ASCC3: variants seen among roughly 807,000 people sequenced by gnomAD.
The protein encoded by ASCC3 is activating signal cointegrator 1 complex subunit 3.
Under a neutral mutation model 256.3 loss-of-function variants are expected in ASCC3, and 158 were observed. The observed-to-expected ratio is 0.62, with a 90% CI of 0.54 to 0.70. The LOEUF (loss-of-function observed/expected upper bound fraction) is 0.70, where lower values mean the gene tolerates loss of function less well. Among genes scored for constraint, ASCC3 ranks in the 30% least tolerant of loss-of-function variants. The probability of loss-of-function intolerance (pLI) is 0.00; values close to 1 mark genes in which losing one functional copy is unlikely to be tolerated. For synonymous variants in ASCC3, 948 were observed against 883.4 expected, an observed-to-expected ratio of 1.07 and a Z score of -1.30; for missense variants, 2,259 against 2,626.0, an observed-to-expected ratio of 0.86 and a Z score of 3.05.
At chr6:100,852,301 A>G (rs1449637494) in intron 3 of ASCC3, among the ~76,000 whole-genome samples, 1 of 152,180 alleles carries the variant, frequency 6.6e-6, no homozygotes, top group Non-Finnish European at 1.5e-5. Flanking sequence ...GCGAACCTCT[A>G]TTAGCCGGCT....
At chr6:100,869,757 A>T (rs1773644776) in intron 1 of ASCC3, among the ~76,000 whole-genome samples, 1 of 152,194 alleles carries the variant, frequency 6.6e-6, no homozygotes, top group South Asian at 2.1e-4. Context: ...AAAAAGTAAA[A>T]CACTAGTGCT....
chr6:100,609,929 A>T (rs1562164678), intron 30 of ASCC3, among the ~76,000 whole-genome samples: 1 of 152,188 alleles, frequency 6.6e-6, no homozygotes, highest in Non-Finnish European at 1.5e-5. Flanking sequence ...GAAGAAAAAA[A>T]GAAAGTCCAG....
chr6:100,536,479 C>T (rs1358419268), intron 37 of ASCC3, among the ~76,000 whole-genome samples: 3 of 152,110 alleles, frequency 2.0e-5, no homozygotes, highest in African/African-American at 4.8e-5. Context: ...ATGCAGCAAG[C>T]ACCCAGATTT....
intron 36 of ASCC3, among the ~76,000 whole-genome samples, chr6:100,563,025 T>C (rs1243812969): frequency 6.6e-6 from 1 of 152,090 alleles, no homozygotes; most frequent in African/African-American, 2.4e-5. Context: ...TTGTTAAAGA[T>C]GAATTTCTTC....
At chr6:100,815,731 G>A (rs1338127836) in intron 4 of ASCC3, among the ~76,000 whole-genome samples, 4 of 152,070 alleles carry the variant, frequency 2.6e-5, no homozygotes, top group African/African-American at 7.2e-5. Context: ...GACTGAAGCT[G>A]GAAGATTGAA....
intron 36 of ASCC3, among the ~76,000 whole-genome samples, chr6:100,588,044 T>A (rs1771796059): frequency 6.6e-6 from 1 of 152,176 alleles, no homozygotes; most frequent in Non-Finnish European, 1.5e-5. Context: ...TGTGTGCATA[T>A]GTGTATGACT....
At chr6:100,570,556 A>C (rs1363193199) in intron 36 of ASCC3, among the ~76,000 whole-genome samples, 1 of 151,890 alleles carries the variant, frequency 6.6e-6, no homozygotes. Flanking sequence ...CCTCACTCCT[A>C]GTTTTCTTTG....
chr6:100,606,259 T>C (rs554006842), intron 32 of ASCC3, among the ~76,000 whole-genome samples: 6 of 152,194 alleles, frequency 3.9e-5, no homozygotes, highest in East Asian at 1.9e-4. Context: ...ATTTCCCTTT[T>C]TGAACTCACT....
chr6:100,640,387 T>C (rs918520892), intron 24 of ASCC3, among the ~76,000 whole-genome samples: 6 of 152,198 alleles, frequency 3.9e-5, no homozygotes, highest in African/African-American at 1.4e-4. Context: ...TTACTTTGTA[T>C]ATGTCTAATA....
chr6:100,694,615 G>C (rs1015618229), intron 13 of ASCC3, among the ~76,000 whole-genome samples: 5 of 152,148 alleles, frequency 3.3e-5, no homozygotes, highest in African/African-American at 1.2e-4. Flanking sequence ...TACAAAATTA[G>C]ATCTTAGAAG....
chr6:100,751,591 T>G (rs928923548), intron 10 of ASCC3, among the ~76,000 whole-genome samples: 1 of 152,078 alleles, frequency 6.6e-6, no homozygotes, highest in African/African-American at 2.4e-5. Context: ...AGACAAATTA[T>G]TTTTTATGCT....
chr6:100,665,553 T>C (rs1414168243), intron 14 of ASCC3, among the ~76,000 whole-genome samples: 1 of 151,010 alleles, frequency 6.6e-6, no homozygotes, highest in Non-Finnish European at 1.5e-5. Context: ...TGAAACTCCG[T>C]CTCTACTAAC....
intron 10 of ASCC3, among the ~76,000 whole-genome samples, chr6:100,750,930 T>C (rs984327419): frequency 8.6e-5 from 13 of 152,032 alleles, no homozygotes; most frequent in Non-Finnish European, 2.9e-5. Context: ...GATGGTCACC[T>C]TGGGGCAGGG....
chr6:100,646,019 TAA>T (rs1775362520), intron 22 of ASCC3, among the ~76,000 whole-genome samples: 1 of 152,098 alleles, frequency 6.6e-6, no homozygotes, highest in Non-Finnish European at 1.5e-5. Context: ...AATATTAATT[TAA>T]GAGACATCAA....
intron 13 of ASCC3, among the ~76,000 whole-genome samples, chr6:100,693,269 T>A (rs965763110): frequency 1.3e-5 from 2 of 152,074 alleles, no homozygotes; most frequent in African/African-American, 4.8e-5. Flanking sequence ...ACTGAGGTGT[T>A]CAAGTTTTGG....
chr6:100,829,839 TTATAA>T (rs1241753297), intron 4 of ASCC3, among the ~76,000 whole-genome samples: 2 of 152,116 alleles, frequency 1.3e-5, no homozygotes, highest in Non-Finnish European at 2.9e-5. Flanking sequence ...AATAGAATAA[TTATAA>T]TAATATGGCA....
chr6:100,853,195 A>T (rs1772771328), intron 3 of ASCC3, among the ~76,000 whole-genome samples: 1 of 152,264 alleles, frequency 6.6e-6, no homozygotes, highest in East Asian at 1.9e-4. Flanking sequence ...TAATTTTTTA[A>T]AATCAAAGAG....
In ASCC3 at chr6:100,631,408, G is replaced by A. The variant is rs528039839; in HGVS notation, c.4123-195C>T. On this transcript the variant is annotated intron_variant, in intron 25 of 41. Coordinates refer to ENST00000369162, the MANE Select transcript of ASCC3 (RefSeq NM_006828.4). ...AACTACATTTACCCAAAATAAGACA[G>A]AAATGTAACATATCACAAACATTCT... is the stretch of plus-strand genomic sequence containing the variant. Among the ~76,000 whole-genome samples, 13 of 151,822 alleles carry A rather than the reference G, an allele frequency of 8.6e-5. No individual in the cohort carries two copies. The East Asian group carries it at 2.5e-3, about 29-fold the overall frequency.
chr6:100,674,832 C>T, intron 14 of ASCC3, among the ~76,000 whole-genome samples: 1 of 151,850 alleles, frequency 6.6e-6, no homozygotes, highest in East Asian at 1.9e-4. Flanking sequence ...GGGGTTTCAC[C>T]ATGTTGCCAG....
Sources: allele counts gnomAD v4.1 joint callset (sites outside exome capture counted in the v4.1 genomes callset), GRCh38; gene constraint gnomAD v4.1.1; transcripts MANE v1.5; gene names NCBI Gene and HGNC (gene_info 2026-07-23, HGNC 2026-07-21).